Variants in MMP16 observed in about 807,000 individuals in gnomAD.
MMP16 encodes the protein matrix metallopeptidase 16.
MMP16 carries 12 observed loss-of-function variants against 67.8 expected under a neutral mutation model. The ratio of observed to expected loss-of-function variants is 0.18; its 90% CI spans 0.11 to 0.29. The LOEUF is 0.29. Ranked by LOEUF, MMP16 falls within the 10% of genes least tolerant of loss-of-function variation. The pLI is 1.00. For synonymous variants in MMP16, 249 were observed against 255.9 expected, an observed-to-expected ratio of 0.97 and a Z score of 0.26; for missense variants, 475 against 765.7, an observed-to-expected ratio of 0.62 and a Z score of 4.48.
At chr8:88,257,476 A>G (rs1810321709) in intron 1 of MMP16, among the ~76,000 whole-genome samples, 1 of 152,234 alleles carries the variant, frequency 6.6e-6, no homozygotes, top group African/African-American at 2.4e-5. Context: ...CTAGTTTACA[A>G]TTACTTTTGC....
chr8:88,225,155 C>T (rs1039971125), intron 1 of MMP16, among the ~76,000 whole-genome samples: 3 of 151,952 alleles, frequency 2.0e-5, no homozygotes, highest in Non-Finnish European at 4.4e-5. Context: ...TTTACAATTT[C>T]ACTAGCTTTA....
chr8:88,145,383 A>T (rs1808274417), intron 4 of MMP16, among the ~76,000 whole-genome samples: 1 of 151,986 alleles, frequency 6.6e-6, no homozygotes, highest in African/African-American at 2.4e-5. Flanking sequence ...TTATGGGAAC[A>T]TTATCATATG....
chr8:88,280,589 TTTC>T (rs1458658937), intron 1 of MMP16, among the ~76,000 whole-genome samples: 1 of 152,174 alleles, frequency 6.6e-6, no homozygotes, highest in African/African-American at 2.4e-5. Flanking sequence ...TTATTTTGTT[TTTC>T]TTTTGTTTTT....
chr8:88,117,077 C>A (rs1809449432), intron 5 of MMP16, among the ~76,000 whole-genome samples: 1 of 151,912 alleles, frequency 6.6e-6, no homozygotes, highest in Admixed American at 6.6e-5. Flanking sequence ...AATACTGGAG[C>A]CATGTAAGTA....
At chr8:88,249,341 G>A (rs1022796823) in intron 1 of MMP16, among the ~76,000 whole-genome samples, 1 of 152,084 alleles carries the variant, frequency 6.6e-6, no homozygotes. Context: ...GGGATGCTGA[G>A]TAACTGCCAG....
At chr8:88,289,873 G>A (rs1051841816) in intron 1 of MMP16, among the ~76,000 whole-genome samples, 4 of 152,052 alleles carry the variant, frequency 2.6e-5, no homozygotes, top group African/African-American at 9.7e-5. Context: ...GCCAGAGTAG[G>A]GATTGAAACT....
intron 4 of MMP16, among the ~76,000 whole-genome samples, chr8:88,165,953 G>A (rs1352341008): frequency 6.6e-6 from 1 of 151,974 alleles, no homozygotes; most frequent in Non-Finnish European, 1.5e-5. Flanking sequence ...TAATAATACA[G>A]CACATGCAAC....
intron 3 of MMP16, among the ~76,000 whole-genome samples, chr8:88,183,515 T>C (rs1408835167): frequency 6.6e-6 from 1 of 152,218 alleles, no homozygotes; most frequent in Non-Finnish European, 1.5e-5. Context: ...TTGTTTCTTT[T>C]CAAATCTTAC....
At chr8:88,258,408 A>G (rs1810338283) in intron 1 of MMP16, among the ~76,000 whole-genome samples, 1 of 152,222 alleles carries the variant, frequency 6.6e-6, no homozygotes, top group Non-Finnish European at 1.5e-5. Flanking sequence ...GTCGGCTGTA[A>G]GGCATACTAA....
At position 88,300,423 on chromosome 8, in the gene MMP16, C is replaced by A. The variant is rs28986485; in HGVS notation, c.132+26652G>T. On this transcript the variant is annotated intron_variant, in intron 1 of 9. Coordinates refer to ENST00000286614, the MANE Select transcript of MMP16 (RefSeq NM_005941.5). ...CAGCATGATGAAATCTCACGCCATC[C>A]CACTCCATCAGCCCTGGACGTGAAT... 2.2e-4 allele frequency among the ~76,000 whole-genome samples: 34 copies of A among 152,230 alleles called. 1 individual carries two copies. The highest frequency in any genetic ancestry group is 8.2e-4 in the African/African-American group (34 of 41,536).
chr8:88,157,431 C>T (rs1237351666), intron 4 of MMP16, among the ~76,000 whole-genome samples: 1 of 149,894 alleles, frequency 6.7e-6, no homozygotes, highest in Non-Finnish European at 1.5e-5. Context: ...GGAGTCCTCC[C>T]GTTCCCCAAA....
chr8:88,040,580 G>T lies in MMP16; in HGVS notation c.*881C>A, dbSNP rs1446124485. ...CCTGACAGACCCATGGAAGGCCTGG[G>T]GCAATGGCCTAATACAACTTGGGAA... On this transcript the variant is annotated 3_prime_UTR_variant, in exon 10 of 10. Coordinates refer to ENST00000286614, the MANE Select transcript of MMP16 (RefSeq NM_005941.5). The T allele has an allele frequency of 6.6e-6, 1 of 152,462 alleles. No individual in the cohort carries two copies. Among genetic ancestry groups the T allele is most frequent in the Non-Finnish European group, 1.5e-5 (1 of 68,048 alleles). 9.4% of individuals were successfully genotyped at this position (152,462 alleles called of 1,614,324 possible).
At chr8:88,048,517 G>A (rs551122514) in intron 8 of MMP16, among the ~76,000 whole-genome samples, 19 of 152,236 alleles carry the variant, frequency 1.2e-4, no homozygotes, top group African/African-American at 4.3e-4. Context: ...ATTGCTCTAT[G>A]CATTATTTTA....
chr8:88,066,419 G>T (rs1808463961), intron 7 of MMP16, among the ~76,000 whole-genome samples: 1 of 152,022 alleles, frequency 6.6e-6, no homozygotes, highest in Non-Finnish European at 1.5e-5. Flanking sequence ...CTTCCTCGAG[G>T]TGTGATACAT....
intron 4 of MMP16, among the ~76,000 whole-genome samples, chr8:88,122,388 C>T (rs1225554007): frequency 6.6e-6 from 1 of 151,898 alleles, no homozygotes; most frequent in Non-Finnish European, 1.5e-5. Flanking sequence ...CAATTCTGTC[C>T]CTCTACATCT....
chr8:88,228,690 A>T (rs1338558443), intron 1 of MMP16, among the ~76,000 whole-genome samples: 1 of 152,080 alleles, frequency 6.6e-6, no homozygotes, highest in African/African-American at 2.4e-5. Context: ...ATATACAAAG[A>T]TGTTCTTTAG....
intron 6 of MMP16, among the ~76,000 whole-genome samples, chr8:88,110,160 C>G (rs781419972): frequency 6.6e-6 from 1 of 151,064 alleles, no homozygotes; most frequent in Non-Finnish European, 1.5e-5. Flanking sequence ...AATATATGCT[C>G]AAAATATTTA....
intron 1 of MMP16, among the ~76,000 whole-genome samples, chr8:88,322,413 T>C (rs1811474020): frequency 6.6e-6 from 1 of 152,194 alleles, no homozygotes; most frequent in South Asian, 2.1e-4. Flanking sequence ...TTTTAATAAA[T>C]GGAAAGGTGT....
chr8:88,302,562 C>T (rs916776158), intron 1 of MMP16, among the ~76,000 whole-genome samples: 14 of 151,652 alleles, frequency 9.2e-5, no homozygotes, highest in South Asian at 2.1e-4. Flanking sequence ...CCTAATTTTC[C>T]GGAGACACGA....
Sources: allele counts gnomAD v4.1 joint callset (sites outside exome capture counted in the v4.1 genomes callset), GRCh38; gene constraint gnomAD v4.1.1; transcripts MANE v1.5; gene names NCBI Gene and HGNC (gene_info 2026-07-23, HGNC 2026-07-21).